Variants in ITGA4 observed in about 807,000 individuals in gnomAD.
ITGA4 encodes the protein integrin alpha-4.
In ITGA4, 63 loss-of-function variants were observed where a neutral mutation model predicts 133.6. The ratio of observed to expected loss-of-function variants is 0.47; its 90% confidence interval spans 0.38 to 0.58. The LOEUF is 0.58. Among genes scored for constraint, ITGA4 ranks in the 20% least tolerant of loss-of-function variants. The pLI, the probability that ITGA4 is intolerant of heterozygous loss-of-function variation, is 0.00. For synonymous variants in ITGA4, 483 were observed against 438.0 expected (o/e 1.10, Z -1.28); for missense variants, 1,076 against 1,252.7 (o/e 0.86, Z 2.13).
rs77531660 is a variant in ITGA4, at chr2:181,516,797, C to T, written c.1922+5022C>T. On this transcript the variant is annotated intron_variant, in intron 17 of 27. Coordinates refer to ENST00000397033, the MANE Select transcript of ITGA4 (RefSeq NM_000885.6). This position sits in a 1 kb window ranked among gnomAD's most constrained non-coding sequence, Gnocchi z 4.0. ...AGCTAAGAAGGGAAATCACTGTTGGCTAGACAATGAGCAAGGAGCAACATC... is the reference window on the plus strand; with the variant it reads ...AGCTAAGAAGGGAAATCACTGTTGGTTAGACAATGAGCAAGGAGCAACATC... 3.8e-3 allele frequency among the ~76,000 whole-genome samples: 584 copies of T among 152,124 alleles called. 16 individuals are homozygous for T. In the East Asian group the frequency reaches 0.071, roughly 19 times the overall value.
intron 12 of ITGA4, 46 bp downstream of exon 12, chr2:181,494,858 T>G (rs1286321235): frequency 1.0e-6 from 1 of 954,768 alleles, no homozygotes; most frequent in Admixed American, 1.7e-5. Flanking sequence ...ATAAGCTCTA[T>G]CATAGATACT....
chr2:181,524,261 T>C lies in ITGA4; in HGVS notation c.2249+11T>C, dbSNP rs372911773. 5.4e-6 allele frequency: 8 copies of C among 1,487,594 alleles called. No individual in the cohort carries two copies. The highest frequency in any genetic ancestry group is 6.4e-6 in the Non-Finnish European group (7 of 1,090,036). 92.1% of individuals were successfully genotyped at this position (1,487,594 alleles called of 1,614,324 possible). A position where few individuals can be genotyped will look rare whatever the true frequency, so the allele number is the denominator to read the frequency against. ...AGTGCATGCTACCTGGTATAATTTA[T>C]TGTTAATAAAATGAACTAGAAATAT... On this transcript the variant is annotated intron_variant, in intron 20 of 27. Coordinates refer to ENST00000397033, the MANE Select transcript of ITGA4 (RefSeq NM_000885.6).
intron 24 of ITGA4, 128 bp from the exon 25 acceptor site, chr2:181,531,524 GTTTAA>G (rs1686945198): frequency 1.5e-5 from 6 of 393,738 alleles, no homozygotes; most frequent in Admixed American, 4.3e-5. Context: ...GAAAGCAGAT[GTTTAA>G]TTTCATATTT....
chr2:181,508,225 A>C (rs1361404591), intron 15 of ITGA4, among the ~76,000 whole-genome samples: 2 of 152,070 alleles, frequency 1.3e-5, no homozygotes, highest in Non-Finnish European at 2.9e-5. Context: ...GAAAAAAAAA[A>C]CTTGTGACCA....
chr2:181,464,992 C>T (rs1685377903), intron 2 of ITGA4, among the ~76,000 whole-genome samples: 1 of 152,172 alleles, frequency 6.6e-6, no homozygotes, highest in East Asian at 1.9e-4. Flanking sequence ...CTATAATTCA[C>T]AAAAATGTTC....
rs1205608739 is a variant in ITGA4, at chr2:181,498,642, T to C, written c.1560T>C (p.Ser520=). The C allele has an allele frequency of 6.2e-7, 1 of 1,607,944 alleles. No individual in the cohort carries two copies. The highest frequency in any genetic ancestry group is 2.2e-5 in the East Asian group (1 of 44,750). The change falls in exon 15 of 28, where the codon AGT becomes AGC. Residue 520 remains serine, a synonymous_variant. Coordinates refer to ENST00000397033, the MANE Select transcript of ITGA4 (RefSeq NM_000885.6). ...TTGCAGTTTTGTTTTATAACATGAGTTTGGATGTGAACAGAAAGGCAGAGT... is the reference window on the plus strand; with the variant it reads ...TTGCAGTTTTGTTTTATAACATGAGCTTGGATGTGAACAGAAAGGCAGAGT... ...PGYIVLFYNM[S]LDVNRKAESP...
intron 10 of ITGA4, among the ~76,000 whole-genome samples, chr2:181,488,540 A>G (rs155111): frequency 0.3 from 44,745 of 151,254 alleles, 7,330 homozygotes; most frequent in Non-Finnish European, 0.37. Context: ...ATCTTTTTCT[A>G]CTTGGTCCAG....
At chr2:181,494,885 C>T (rs539304968) in intron 12 of ITGA4, 73 bp downstream of exon 12, 5 of 809,946 alleles carry the variant, frequency 6.2e-6, no homozygotes, top group African/African-American at 5.1e-5. Flanking sequence ...TAGTGAAGTA[C>T]GTAAAACTGG....
chr2:181,491,683 TA>T (rs59539156), intron 10 of ITGA4, among the ~76,000 whole-genome samples: 149,007 of 152,326 alleles, frequency 0.98, 72,978 homozygotes, highest in Middle Eastern at 1. Flanking sequence ...CAGCCCTGAT[TA>T]AAATAAATTG....
intron 11 of ITGA4, 40 bp from the exon 12 acceptor site, chr2:181,494,682 A>G (rs770068437): frequency 9.8e-7 from 1 of 1,016,020 alleles, no homozygotes; most frequent in African/African-American, 1.6e-5. Flanking sequence ...GTATATTAGT[A>G]TTCAAAAACT....
intron 15 of ITGA4, among the ~76,000 whole-genome samples, 176 bp from the exon 16 acceptor site, chr2:181,509,482 G>T (rs1686461075): frequency 6.6e-6 from 1 of 151,906 alleles, no homozygotes; most frequent in Non-Finnish European, 1.5e-5. Flanking sequence ...AAACGTAAAT[G>T]ATTTTGTGTG....
In ITGA4 at chr2:181,538,310, G is replaced by T; in HGVS notation, c.*2783G>T. ...TTTTTCACATACACCTAATAAGTAT[G>T]GTACACAATGCCAATGCCAAATACA... On this transcript the variant is annotated 3_prime_UTR_variant, in exon 28 of 28. Transcript: ENST00000397033. 1 of 892,222 alleles carries T rather than the reference G, an allele frequency of 1.1e-6. No homozygotes were observed. The highest frequency in any genetic ancestry group is 1.9e-6 in the Non-Finnish European group (1 of 536,378). 55.3% of individuals were successfully genotyped at this position (892,222 alleles called of 1,614,324 possible). A position where few individuals can be genotyped will look rare whatever the true frequency, so the allele number is the denominator to read the frequency against.
In ITGA4 at chr2:181,522,585, A is replaced by G. The variant is rs567696004; in HGVS notation, c.2073+244A>G. On this transcript the variant is annotated intron_variant, in intron 18 of 27. Transcript: ENST00000397033. Reference sequence around the variant, plus strand: ...GAGGAAGCTGTTTGGGTGCCTTTACATTCTCACTGCCGTAGCCAGCACACG... The same window carrying G: ...GAGGAAGCTGTTTGGGTGCCTTTACGTTCTCACTGCCGTAGCCAGCACACG... 1.9e-3 allele frequency among the ~76,000 whole-genome samples: 285 copies of G among 152,226 alleles called. 1 individual carries two copies. Among genetic ancestry groups the G allele is most frequent in the African/African-American group, 6.5e-3 (271 of 41,552 alleles).
chr2:181,530,761 G>T lies in ITGA4; in HGVS notation c.2664+112G>T, dbSNP rs183467342. The T allele has an allele frequency of 2.5e-4, 237 of 947,108 alleles. No individual in the cohort carries two copies. In the African/African-American group the frequency reaches 3.5e-3, roughly 14 times the overall value. 58.7% of individuals were successfully genotyped at this position (947,108 alleles called of 1,614,324 possible). On this transcript the variant is annotated intron_variant, in intron 24 of 27. Transcript: ENST00000397033. ...ACTTCAATAATAAGAGAGAAGACAAGTTTAGGTAGTATTCTTGCGTGGAAG... is the reference window on the plus strand; with the variant it reads ...ACTTCAATAATAAGAGAGAAGACAATTTTAGGTAGTATTCTTGCGTGGAAG...
chr2:181,529,541 G>A lies in ITGA4; in HGVS notation c.2431G>A (p.Val811Ile), dbSNP rs201843679. Residue 811 changes from valine (V) to isoleucine (I), a missense_variant and splice_region_variant, in exon 23 of 28, where the codon GTT (valine) becomes ATT (isoleucine). By Grantham distance (29) the Val-to-Ile change is conservative. Transcript: ENST00000397033. The stretch of plus-strand genomic sequence containing the variant: ...TTAAAAAATTTTTCCTTCTTATCAG[G>A]TTATCAACACTGGCAATAGTATGGC... ...MVEKMNLTFH[V>I]INTGNSMAPN... The A allele has an allele frequency of 3.4e-5, 53 of 1,554,632 alleles. No individual in the cohort carries two copies. Among genetic ancestry groups the A allele is most frequent in the Admixed American group, 1.7e-5 (1 of 58,486 alleles).
chr2:181,475,990 C>T (rs1559040411), intron 4 of ITGA4: 1 of 1,216,170 alleles, frequency 8.2e-7, no homozygotes, highest in East Asian at 2.9e-5. Flanking sequence ...CACCCTCACT[C>T]AAAAAAAATC....
intron 15 of ITGA4, among the ~76,000 whole-genome samples, chr2:181,506,904 T>C (rs1010007967): frequency 1.3e-5 from 2 of 152,112 alleles, no homozygotes; most frequent in African/African-American, 4.8e-5. Flanking sequence ...AATTGCAGTG[T>C]CATGGGTCTA....
chr2:181,463,880 A>G (rs964976990), intron 2 of ITGA4, among the ~76,000 whole-genome samples: 5 of 152,128 alleles, frequency 3.3e-5, no homozygotes, highest in Non-Finnish European at 5.9e-5. Flanking sequence ...ATTTCTAAGG[A>G]TTCCTACAGT....
At chr2:181,481,178 AT>A (rs1215360101) in intron 6 of ITGA4, among the ~76,000 whole-genome samples, 1 of 152,306 alleles carries the variant, frequency 6.6e-6, no homozygotes, top group East Asian at 1.9e-4. Context: ...AATACGAACA[AT>A]TTTTTGTCAT....
Sources: allele counts gnomAD v4.1 joint callset (sites outside exome capture counted in the v4.1 genomes callset), GRCh38; gene constraint gnomAD v4.1.1; non-coding constraint Gnocchi (gnomAD v3.1); transcripts MANE v1.5; gene names NCBI Gene and HGNC (gene_info 2026-07-23, HGNC 2026-07-21).